Variants in KCND2 observed in about 807,000 individuals in gnomAD.
KCND2 encodes potassium voltage-gated channel subfamily D member 2, also known as A-type voltage-gated potassium channel KCND2.
Under a neutral mutation model 54.4 loss-of-function variants are expected in KCND2, and 16 were observed. The observed-to-expected ratio is 0.29, with a 90% CI of 0.20 to 0.45. The LOEUF (loss-of-function observed/expected upper bound fraction) is 0.45, where lower values mean the gene tolerates loss of function less well. Ranked by LOEUF, KCND2 falls within the 20% of genes least tolerant of loss-of-function variation. KCND2 has a pLI of 1.00. For synonymous variants in KCND2, 317 were observed against 310.7 expected, an observed-to-expected ratio of 1.02 and a Z score of -0.21; for missense variants, 486 against 824.2, an observed-to-expected ratio of 0.59 and a Z score of 5.02.
intron 1 of KCND2, among the ~76,000 whole-genome samples, chr7:120,513,391 A>G (rs1803149459): frequency 6.6e-6 from 1 of 152,098 alleles, no homozygotes; most frequent in Admixed American, 6.6e-5. Flanking sequence ...GATTTATCTA[A>G]ATTCATTTAA....
At chr7:120,686,131 C>G (rs1253490076) in intron 1 of KCND2, among the ~76,000 whole-genome samples, 1 of 152,074 alleles carries the variant, frequency 6.6e-6, no homozygotes, top group African/African-American at 2.4e-5. Flanking sequence ...ACATAAGAAC[C>G]CGGATTCTAA....
At chr7:120,339,775 G>C (rs1439198517) in intron 1 of KCND2, among the ~76,000 whole-genome samples, 1 of 152,110 alleles carries the variant, frequency 6.6e-6, no homozygotes, top group Non-Finnish European at 1.5e-5. Context: ...GGGAAGGGAA[G>C]GGGATCAGGT....
intron 1 of KCND2, among the ~76,000 whole-genome samples, chr7:120,330,658 A>G (rs1800054235): frequency 6.6e-6 from 1 of 151,942 alleles, no homozygotes; most frequent in South Asian, 2.1e-4. Context: ...AAACTCAAAC[A>G]AAAGCTTCAG....
At chr7:120,582,714 A>G (rs957191235) in intron 1 of KCND2, among the ~76,000 whole-genome samples, 2 of 152,220 alleles carry the variant, frequency 1.3e-5, no homozygotes, top group East Asian at 3.8e-4. Flanking sequence ...ATATATAATT[A>G]AATAATTCTC....
chr7:120,739,916 CT>C (rs1373745495), intron 2 of KCND2, among the ~76,000 whole-genome samples: 1 of 151,940 alleles, frequency 6.6e-6, no homozygotes, highest in East Asian at 1.9e-4. Context: ...AGCAGGCAGC[CT>C]TGCTTATAGT....
intron 1 of KCND2, among the ~76,000 whole-genome samples, chr7:120,334,732 G>T (rs1000875053): frequency 2.5e-4 from 38 of 152,246 alleles, no homozygotes; most frequent in African/African-American, 7.7e-4. Context: ...TTCTAGTAGG[G>T]TTACTGTGTT....
At chr7:120,458,309 G>A (rs550086381) in intron 1 of KCND2, among the ~76,000 whole-genome samples, 1 of 152,286 alleles carries the variant, frequency 6.6e-6, no homozygotes, top group African/African-American at 2.4e-5. Context: ...TTGGGTCTAA[G>A]ACACAGGAAG....
chr7:120,604,560 A>G (rs1169341290), intron 1 of KCND2, among the ~76,000 whole-genome samples: 2 of 149,744 alleles, frequency 1.3e-5, no homozygotes, highest in Admixed American at 6.7e-5. Context: ...AATATTACTA[A>G]TTAAACTAAG....
intron 1 of KCND2, among the ~76,000 whole-genome samples, chr7:120,621,968 T>TG (rs927344847): frequency 6.6e-6 from 1 of 151,994 alleles, no homozygotes; most frequent in Non-Finnish European, 1.5e-5. Context: ...AGAAGGTTTT[T>TG]TTGTTGTTGT....
intron 1 of KCND2, among the ~76,000 whole-genome samples, chr7:120,478,380 T>G (rs938099068): frequency 6.6e-6 from 1 of 152,090 alleles, no homozygotes; most frequent in Non-Finnish European, 1.5e-5. Flanking sequence ...CACTTAGTCA[T>G]ACTACCTATA....
intron 1 of KCND2, among the ~76,000 whole-genome samples, chr7:120,340,550 C>T (rs1037239753): frequency 6.6e-6 from 1 of 152,042 alleles, no homozygotes; most frequent in South Asian, 2.1e-4. Flanking sequence ...GGGATAATAA[C>T]GTGGTTAGAA....
At chr7:120,742,444 T>C (rs1792953570) in intron 3 of KCND2, 66 bp from the exon 4 acceptor site, 5 of 1,260,212 alleles carry the variant, frequency 4.0e-6, no homozygotes, top group East Asian at 2.3e-5. Flanking sequence ...TGTGGAAATA[T>C]GTAGCCGAGG....
chr7:120,564,591 T>C (rs1471053000), intron 1 of KCND2, among the ~76,000 whole-genome samples: 1 of 152,154 alleles, frequency 6.6e-6, no homozygotes, highest in African/African-American at 2.4e-5. Flanking sequence ...GAATTGCTTG[T>C]GGGTTGTATT....
At chr7:120,663,080 A>G (rs145358861) in intron 1 of KCND2, among the ~76,000 whole-genome samples, 44 of 152,328 alleles carry the variant, frequency 2.9e-4, no homozygotes, top group African/African-American at 1.0e-3. Context: ...TATCTGATGT[A>G]TAGTATCATT....
At chr7:120,281,385 T>C (rs1417481425) in intron 1 of KCND2, among the ~76,000 whole-genome samples, 2 of 151,162 alleles carry the variant, frequency 1.3e-5, no homozygotes, top group Non-Finnish European at 2.9e-5. Flanking sequence ...TCCCACTAGC[T>C]TCTGCAGCTA....
Position 120,699,183 on chromosome 7 carries a change from G to A in KCND2, c.1116-33720G>A, listed in dbSNP as rs568008302. Among the ~76,000 whole-genome samples the A allele has an allele frequency of 5.0e-4, 76 of 152,072 alleles. 2 individuals are homozygous for A. The highest frequency in any genetic ancestry group is 7.9e-4 in the Admixed American group (12 of 15,280). ...TGTCGTCCCAGCTACTTGGGAGGCT[G>A]AGGCAGGAGAATGGTGTGAATCTGG... On this transcript the variant is annotated intron_variant, in intron 1 of 5. Transcript: ENST00000331113.
At chr7:120,530,803 C>A (rs1050224253) in intron 1 of KCND2, among the ~76,000 whole-genome samples, 1 of 152,020 alleles carries the variant, frequency 6.6e-6, no homozygotes, top group Admixed American at 6.6e-5. Context: ...CCCACAAGTA[C>A]CTGCAATTCG....
At chr7:120,304,583 C>T (rs1045569742) in intron 1 of KCND2, among the ~76,000 whole-genome samples, 7 of 152,164 alleles carry the variant, frequency 4.6e-5, no homozygotes, top group Admixed American at 1.3e-4. Flanking sequence ...TTCGTTTTAA[C>T]GTGTACTCCA....
intron 1 of KCND2, among the ~76,000 whole-genome samples, chr7:120,325,441 C>T (rs900736203): frequency 5.8e-4 from 88 of 151,192 alleles, no homozygotes; most frequent in African/African-American, 2.1e-3. Context: ...GTTGGTTTGT[C>T]ATAGATAGCT....
Sources: allele counts gnomAD v4.1 joint callset (sites outside exome capture counted in the v4.1 genomes callset), GRCh38; gene constraint gnomAD v4.1.1; transcripts MANE v1.5; gene names NCBI Gene and HGNC (gene_info 2026-07-23, HGNC 2026-07-21).